BMPR1B: variants seen among roughly 807,000 people sequenced by gnomAD.
BMPR1B encodes bone morphogenetic protein receptor type-1B.
Under a neutral mutation model 59.1 loss-of-function variants are expected in BMPR1B, and 12 were observed. That is an observed-to-expected ratio of 0.20 (90% CI 0.13 to 0.33). BMPR1B has a LOEUF of 0.33. Among genes scored for constraint, BMPR1B ranks in the 10% least tolerant of loss-of-function variants. The probability of loss-of-function intolerance (pLI) is 1.00; values close to 1 mark genes in which losing one functional copy is unlikely to be tolerated. For missense variants in BMPR1B, 550 were observed against 610.9 expected (o/e 0.90, Z 1.05); for synonymous variants, 237 against 207.3 (o/e 1.14, Z -1.23).
chr4:95,084,385 T>A (rs1452696438), intron 3 of BMPR1B, among the ~76,000 whole-genome samples: 2 of 151,886 alleles, frequency 1.3e-5, no homozygotes, highest in African/African-American at 4.8e-5. Context: ...TATATATACA[T>A]TTTTTTCATG....
intron 2 of BMPR1B, among the ~76,000 whole-genome samples, chr4:94,951,902 TGGTA>T: frequency 6.6e-6 from 1 of 152,270 alleles, no homozygotes; most frequent in Admixed American, 6.5e-5. Flanking sequence ...TTTTTTTGGT[TGGTA>T]GGGTATTAAT....
intron 2 of BMPR1B, among the ~76,000 whole-genome samples, chr4:94,989,083 C>T (rs999990542): frequency 6.6e-6 from 1 of 152,032 alleles, no homozygotes; most frequent in Non-Finnish European, 1.5e-5. Flanking sequence ...AAGTTTTTGT[C>T]AACAACATAT....
intron 4 of BMPR1B, among the ~76,000 whole-genome samples, chr4:95,110,479 A>G (rs1731550315): frequency 1.3e-5 from 2 of 152,082 alleles, no homozygotes; most frequent in Non-Finnish European, 2.9e-5. Context: ...CCTTCTCCCA[A>G]TACTGTGACC....
chr4:94,846,203 A>T (rs1217200016), intron 1 of BMPR1B, among the ~76,000 whole-genome samples: 2 of 152,206 alleles, frequency 1.3e-5, no homozygotes, highest in Non-Finnish European at 2.9e-5. Flanking sequence ...CCAAGAACAC[A>T]CATTGGGGAA....
At chr4:94,882,208 C>A (rs1195908127) in intron 2 of BMPR1B, among the ~76,000 whole-genome samples, 1 of 152,072 alleles carries the variant, frequency 6.6e-6, no homozygotes, top group East Asian at 1.9e-4. Context: ...AAATTATTTC[C>A]CCTTCCATAG....
At chr4:94,864,326 G>C (rs1726118135) in intron 1 of BMPR1B, among the ~76,000 whole-genome samples, 1 of 152,078 alleles carries the variant, frequency 6.6e-6, no homozygotes, top group African/African-American at 2.4e-5. Flanking sequence ...TAGCAGGAGA[G>C]AGATGTCAGC....
intron 2 of BMPR1B, among the ~76,000 whole-genome samples, chr4:94,966,544 T>C (rs1730562158): frequency 1.3e-5 from 2 of 152,016 alleles, no homozygotes; most frequent in South Asian, 4.1e-4. Context: ...AAGAAAAAAA[T>C]GCAGATTTAA....
intron 3 of BMPR1B, among the ~76,000 whole-genome samples, chr4:95,082,770 G>T (rs949824787): frequency 1.3e-5 from 2 of 152,098 alleles, no homozygotes; most frequent in Non-Finnish European, 2.9e-5. Context: ...TGGGTGTGGT[G>T]GCTCACGCCT....
chr4:94,869,095 A>AACACACACACACACAC (rs59407857), intron 1 of BMPR1B, among the ~76,000 whole-genome samples: 1 of 144,542 alleles, frequency 6.9e-6, no homozygotes, highest in African/African-American at 2.6e-5. Flanking sequence ...TTTACTATCA[A>AACACACACACACACAC]ACACACACAC....
intron 2 of BMPR1B, among the ~76,000 whole-genome samples, chr4:94,956,571 T>C (rs1416135591): frequency 6.6e-6 from 1 of 152,130 alleles, no homozygotes; most frequent in Non-Finnish European, 1.5e-5. Context: ...AAGAACAGAG[T>C]ACTGAGTTTG....
At chr4:94,965,420 A>C (rs1328075540) in intron 2 of BMPR1B, among the ~76,000 whole-genome samples, 1 of 152,102 alleles carries the variant, frequency 6.6e-6, no homozygotes. Context: ...CATTTCTTAT[A>C]ACTGGAGAAA....
intron 1 of BMPR1B, among the ~76,000 whole-genome samples, chr4:94,763,856 T>G (rs1249406108): frequency 6.6e-6 from 1 of 152,222 alleles, no homozygotes; most frequent in Non-Finnish European, 1.5e-5. Flanking sequence ...CATCAATTCT[T>G]TTTTCTGAAA....
intron 2 of BMPR1B, among the ~76,000 whole-genome samples, chr4:94,932,117 A>G (rs953720134): frequency 2.6e-5 from 4 of 152,172 alleles, no homozygotes; most frequent in African/African-American, 7.2e-5. Flanking sequence ...GGTGCTGACC[A>G]TTGCCCTAAC....
chr4:94,844,592 C>A (rs1403407111), intron 1 of BMPR1B, among the ~76,000 whole-genome samples: 1 of 152,122 alleles, frequency 6.6e-6, no homozygotes, highest in African/African-American at 2.4e-5. Context: ...TGTAGAGGAG[C>A]CTGAAGCAGA....
intron 1 of BMPR1B, among the ~76,000 whole-genome samples, chr4:94,841,702 C>G (rs1036632954): frequency 6.6e-6 from 1 of 152,174 alleles, no homozygotes; most frequent in Non-Finnish European, 1.5e-5. Flanking sequence ...GATGGAAATG[C>G]AGAAATCACC....
At chr4:94,973,008 T>C (rs1417415030) in intron 2 of BMPR1B, among the ~76,000 whole-genome samples, 1 of 152,048 alleles carries the variant, frequency 6.6e-6, no homozygotes, top group Non-Finnish European at 1.5e-5. Context: ...TGGCTCACCA[T>C]GCTCAGCCCC....
chr4:94,959,555 T>C (rs2149064540), intron 2 of BMPR1B, among the ~76,000 whole-genome samples: 1 of 152,306 alleles, frequency 6.6e-6, no homozygotes, highest in South Asian at 2.1e-4. Context: ...CTCACATTTC[T>C]TTTACATATT....
chr4:95,143,049 G>T (rs1457895130), intron 10 of BMPR1B, among the ~76,000 whole-genome samples: 1 of 152,016 alleles, frequency 6.6e-6, no homozygotes, highest in East Asian at 1.9e-4. Context: ...GTCCACTGGG[G>T]TGCTCATGTT....
chr4:94,865,156 T>C (rs1560522165), intron 1 of BMPR1B, among the ~76,000 whole-genome samples: 2 of 148,118 alleles, frequency 1.4e-5, no homozygotes, highest in Non-Finnish European at 3.0e-5. Flanking sequence ...ACTACAGGCA[T>C]GTGCCACCGT....
Sources: gnomAD v4.1 joint callset for allele counts (sites outside exome capture counted in the v4.1 genomes callset) on GRCh38, gnomAD v4.1.1 for gene constraint, MANE v1.5 for transcripts, NCBI Gene and HGNC (gene_info 2026-07-23, HGNC 2026-07-21) for gene names.